Variants in ESRRB observed in about 807,000 individuals in gnomAD.
ESRRB encodes the protein steroid hormone receptor ERR2.
A neutral mutation model predicts 46.0 loss-of-function variants in ESRRB; 16 were observed. The ratio of observed to expected loss-of-function variants is 0.35; its 90% confidence interval spans 0.24 to 0.53. The LOEUF is 0.53. ESRRB is among the 20% of genes least tolerant of loss of function. The pLI is 0.93. For missense variants in ESRRB, 488 were observed against 607.4 expected (o/e 0.80, Z 2.07); for synonymous variants, 246 against 259.6 (o/e 0.95, Z 0.50).
intron 3 of ESRRB, among the ~76,000 whole-genome samples, chr14:76,466,729 C>A (rs4997977): frequency 6.9e-6 from 1 of 144,982 alleles, no homozygotes; most frequent in East Asian, 2.0e-4. Context: ...TTTTTTTTTT[C>A]TTTTGAGAAA....
intron 1 of ESRRB, among the ~76,000 whole-genome samples, chr14:76,385,119 T>G (rs1885169115): frequency 6.6e-6 from 1 of 152,188 alleles, no homozygotes; most frequent in East Asian, 1.9e-4. Context: ...GCAGCTCTGC[T>G]TCACCTAATA....
intron 3 of ESRRB, among the ~76,000 whole-genome samples, chr14:76,471,172 C>T (rs917598468): frequency 6.6e-6 from 1 of 152,188 alleles, no homozygotes. Flanking sequence ...TGACTCCTCC[C>T]AGGTCAATGT....
At chr14:76,427,771 C>T (rs890874296) in intron 1 of ESRRB, among the ~76,000 whole-genome samples, 4 of 152,168 alleles carry the variant, frequency 2.6e-5, no homozygotes, top group Non-Finnish European at 5.9e-5. Flanking sequence ...TTCCCAAGAC[C>T]ATCTTGTGAG....
At chr14:76,354,136 C>A (rs1468633742) in intron 1 of ESRRB, among the ~76,000 whole-genome samples, 1 of 151,782 alleles carries the variant, frequency 6.6e-6, no homozygotes, top group Non-Finnish European at 1.5e-5. Context: ...CCTGACCTCT[C>A]CATCTGGAAT....
intron 1 of ESRRB, among the ~76,000 whole-genome samples, chr14:76,321,448 A>C (rs1883866368): frequency 6.6e-6 from 1 of 152,332 alleles, no homozygotes; most frequent in Admixed American, 6.5e-5. Flanking sequence ...TTAAAGCTTT[A>C]AGAATTCTTC....
intron 5 of ESRRB, among the ~76,000 whole-genome samples, chr14:76,485,657 G>A (rs868019667): frequency 0.013 from 1,954 of 146,608 alleles, 54 homozygotes; most frequent in African/African-American, 0.048. Context: ...GAGAGAGAGA[G>A]AGAAAGAAAG....
intron 1 of ESRRB, among the ~76,000 whole-genome samples, chr14:76,337,052 C>T (rs1884134837): frequency 6.6e-6 from 1 of 152,040 alleles, no homozygotes; most frequent in South Asian, 2.1e-4. Flanking sequence ...GTACATGTAG[C>T]AAGTGCAAAG....
At chr14:76,475,165 T>G (rs576443514) in intron 3 of ESRRB, among the ~76,000 whole-genome samples, 1 of 151,034 alleles carries the variant, frequency 6.6e-6, no homozygotes, top group Admixed American at 6.6e-5. Context: ...GGCTGGGAGG[T>G]CAAGGATGCA....
intron 1 of ESRRB, among the ~76,000 whole-genome samples, chr14:76,377,596 C>G (rs1471873850): frequency 6.6e-6 from 1 of 152,146 alleles, no homozygotes; most frequent in East Asian, 1.9e-4. Context: ...TTTTTTCTGA[C>G]GCAAACTAAA....
intron 1 of ESRRB, among the ~76,000 whole-genome samples, chr14:76,439,126 A>T (rs1229794677): frequency 6.6e-6 from 1 of 152,208 alleles, no homozygotes; most frequent in East Asian, 1.9e-4. Flanking sequence ...TGATCAAAAT[A>T]AAGTTTCTTT....
chr14:76,438,864 G>A (rs562540431), intron 1 of ESRRB, among the ~76,000 whole-genome samples: 31 of 152,090 alleles, frequency 2.0e-4, no homozygotes, highest in African/African-American at 4.1e-4. Flanking sequence ...GTAGGGGTGC[G>A]ATCATAGCTC....
At chr14:76,427,088 C>A (rs1887235843) in intron 1 of ESRRB, among the ~76,000 whole-genome samples, 1 of 152,164 alleles carries the variant, frequency 6.6e-6, no homozygotes, top group Admixed American at 6.5e-5. Flanking sequence ...CTCAACCGTT[C>A]CTTCTCTCTG....
chr14:76,370,162 T>A (rs1884586254), upstream of ESRRB, among the ~76,000 whole-genome samples: 1 of 150,646 alleles, frequency 6.6e-6, no homozygotes, highest in African/African-American at 2.4e-5. Context: ...AGGCTAAGGA[T>A]GGATTACCTG....
chr14:76,454,644 T>C (rs553613580), intron 2 of ESRRB, among the ~76,000 whole-genome samples: 36 of 152,284 alleles, frequency 2.4e-4, no homozygotes, highest in Non-Finnish European at 4.9e-4. Flanking sequence ...AGTTCAGATC[T>C]GCTGGAGCCT....
At chr14:76,349,980 A>G (rs1471117256) in intron 1 of ESRRB, among the ~76,000 whole-genome samples, 1 of 152,130 alleles carries the variant, frequency 6.6e-6, no homozygotes, top group Admixed American at 6.5e-5. Context: ...TCTCTCTGCC[A>G]CCTCACACTC....
intron 1 of ESRRB, among the ~76,000 whole-genome samples, chr14:76,437,511 C>T (rs560229862): frequency 2.8e-4 from 43 of 152,314 alleles, no homozygotes; most frequent in African/African-American, 9.9e-4. Context: ...ACCCAAGAGT[C>T]GTCTTTCCAT....
At chr14:76,312,038 CT>C (rs58087201) in intron 1 of ESRRB, among the ~76,000 whole-genome samples, 20,531 of 127,850 alleles carry the variant, frequency 0.16, 1,927 homozygotes, top group African/African-American at 0.27. Flanking sequence ...TTAAATGTAC[CT>C]TTTTTTTTTT....
intron 2 of ESRRB, among the ~76,000 whole-genome samples, chr14:76,444,954 G>C (rs1022037016): frequency 6.6e-6 from 1 of 152,024 alleles, no homozygotes; most frequent in East Asian, 1.9e-4. Context: ...CTTGAAGCCA[G>C]GAGTTCCAGC....
chr14:76,444,750 C>G (rs1260614486), intron 2 of ESRRB, among the ~76,000 whole-genome samples: 1 of 152,160 alleles, frequency 6.6e-6, no homozygotes, highest in Non-Finnish European at 1.5e-5. Flanking sequence ...TGCTCCAAAC[C>G]AGGACATAGT....
Sources: allele counts gnomAD v4.1 joint callset (sites outside exome capture counted in the v4.1 genomes callset), GRCh38; gene constraint gnomAD v4.1.1; transcripts MANE v1.5; gene names NCBI Gene and HGNC (gene_info 2026-07-23, HGNC 2026-07-21).